The following SIM1 variants were observed in gnomAD, a reference collection of about 807,000 sequenced individuals.
The protein encoded by SIM1 is SIM bHLH transcription factor 1, also known as single-minded homolog 1.
SIM1 carries 18 observed loss-of-function variants against 78.2 expected under a neutral mutation model. That is an observed-to-expected ratio of 0.23 (90% CI 0.16 to 0.34). The LOEUF is 0.34. Ranked by LOEUF, SIM1 falls within the 10% of genes least tolerant of loss-of-function variation. The pLI is 1.00. For synonymous variants in SIM1, 417 were observed against 385.2 expected, an observed-to-expected ratio of 1.08 and a Z score of -0.97; for missense variants, 939 against 975.1, an observed-to-expected ratio of 0.96 and a Z score of 0.49.
intron 2 of SIM1, among the ~76,000 whole-genome samples, chr6:100,456,614 T>C (rs1005664808): frequency 2.0e-5 from 3 of 152,230 alleles, no homozygotes; most frequent in African/African-American, 7.2e-5. Context: ...AAACAGAATC[T>C]ATTTTGGAAG....
At chr6:100,464,571 C>A (rs1041265711) in intron 1 of SIM1, 43 bp downstream of exon 1, 1 of 152,260 alleles carries the variant, frequency 6.6e-6, no homozygotes, top group Admixed American at 6.5e-5. Flanking sequence ...CGCGGAGCTG[C>A]GGGGCTGCTG....
intron 9 of SIM1, among the ~76,000 whole-genome samples, chr6:100,427,977 G>C (rs1771779680): frequency 6.6e-6 from 1 of 152,048 alleles, no homozygotes; most frequent in Non-Finnish European, 1.5e-5. Context: ...AATAAATTTT[G>C]CTTATCTCAA....
At chr6:100,442,062 AT>A (rs1350294007) in intron 9 of SIM1, among the ~76,000 whole-genome samples, 11 of 152,324 alleles carry the variant, frequency 7.2e-5, no homozygotes, top group Non-Finnish European at 1.3e-4. Context: ...ACACCTAAAA[AT>A]ACAAAAAGCA....
At chr6:100,410,441 C>T (rs974264061) in intron 10 of SIM1, among the ~76,000 whole-genome samples, 5 of 152,174 alleles carry the variant, frequency 3.3e-5, no homozygotes, top group African/African-American at 1.2e-4. Context: ...TCCCCAGATC[C>T]AAACCACACT....
In SIM1 at chr6:100,463,313, C is replaced by G. The variant is rs761332774; in HGVS notation, c.156G>C (p.Met52Ile). 2.5e-6 allele frequency: 4 copies of G among 1,612,762 alleles called. No homozygotes were observed. The highest frequency in any genetic ancestry group is 3.3e-4 in the Middle Eastern group (2 of 6,056). ...IIRLTTSYLK[M>I]RVVFPEGLGE... ...ACTTACCTTCTGGGAACACCACTCT[C>G]ATTTTGAGATAGCTGGTCGTGAGTC... is the stretch of plus-strand genomic sequence containing the variant. The change falls in exon 2 of 12, where the codon ATG (methionine) becomes ATC (isoleucine). Residue 52 changes from methionine to isoleucine, a missense_variant. Around this residue, in one of 5 missense-constraint regions of SIM1, gnomAD observed 121 missense variants for 124.6 expected, o/e 0.97. Transcript: ENST00000369208.
chr6:100,438,655 T>A (rs1018154472), intron 9 of SIM1, among the ~76,000 whole-genome samples: 6 of 152,188 alleles, frequency 3.9e-5, no homozygotes, highest in African/African-American at 4.8e-5. Flanking sequence ...AAAAGACACA[T>A]GCACATGCAT....
rs1770962452 is a variant in SIM1 at position 100,402,913 on chromosome 6, T to G, written c.1168-9024A>C. ...TTTCAAGTAAAACAGTCATGCTTTATGAGCTAGAGAGTATTTGCTCTTCTT... is the reference window on the plus strand; with the variant it reads ...TTTCAAGTAAAACAGTCATGCTTTAGGAGCTAGAGAGTATTTGCTCTTCTT... On this transcript the variant is annotated intron_variant, in intron 10 of 11. Transcript: ENST00000369208. Among the ~76,000 whole-genome samples the G allele has an allele frequency of 3.3e-5, 5 of 152,302 alleles. No individual in the cohort carries two copies. The South Asian group carries it at 1.0e-3, about 32-fold the overall frequency.
At chr6:100,457,528 C>T (rs1582326577) in intron 2 of SIM1, among the ~76,000 whole-genome samples, 1 of 152,230 alleles carries the variant, frequency 6.6e-6, no homozygotes, top group East Asian at 1.9e-4. Flanking sequence ...TCCTGCCGGG[C>T]CTGCACATCC....
chr6:100,441,115 G>A (rs1772203432), intron 9 of SIM1, among the ~76,000 whole-genome samples: 1 of 152,106 alleles, frequency 6.6e-6, no homozygotes, highest in Admixed American at 6.5e-5. Flanking sequence ...TAGACAGGCT[G>A]GTCATTCAAT....
chr6:100,445,844 C>G (rs1772338406), intron 9 of SIM1, among the ~76,000 whole-genome samples: 1 of 152,094 alleles, frequency 6.6e-6, no homozygotes, highest in Non-Finnish European at 1.5e-5. Flanking sequence ...ACTACTGTTT[C>G]ACGGAGGGGG....
At chr6:100,403,517 T>C (rs1770980298) in intron 10 of SIM1, among the ~76,000 whole-genome samples, 2 of 152,184 alleles carry the variant, frequency 1.3e-5, no homozygotes, top group South Asian at 4.1e-4. Context: ...ATAGGAGAAA[T>C]ACAGCCCCAC....
At position 100,390,334 on chromosome 6, in the gene SIM1, T is replaced by C; in HGVS notation, c.*27A>G. ...ACTATAAATATGTTTCAGAGATCCT[T>C]AAAGAACAAAATATTTCAGCAAAAC... On this transcript the variant is annotated 3_prime_UTR_variant, in exon 12 of 12. Transcript: ENST00000369208. The C allele has an allele frequency of 6.3e-7, 1 of 1,595,728 alleles. No individual in the cohort carries two copies. The highest frequency in any genetic ancestry group is 8.5e-7 in the Non-Finnish European group (1 of 1,171,162).
chr6:100,448,463 G>T lies in SIM1; in HGVS notation c.743+16C>A. ...CCTCAGGCTAGGAGAGGCCCTTTCC[G>T]GCCCTGCCCACCCACCTGGAGTCCA... On this transcript the variant is annotated intron_variant, in intron 7 of 11. Transcript: ENST00000369208. 1 of 1,612,150 alleles carries T rather than the reference G, an allele frequency of 6.2e-7. No homozygotes were observed. The highest frequency in any genetic ancestry group is 1.1e-5 in the South Asian group (1 of 90,842).
chr6:100,461,939 C>T (rs972338588), intron 2 of SIM1, among the ~76,000 whole-genome samples: 1 of 145,806 alleles, frequency 6.9e-6, no homozygotes, highest in Non-Finnish European at 1.5e-5. Context: ...CAAGGAACTG[C>T]TTTAGGAGGG....
chr6:100,414,429 G>A (rs1007442162), intron 10 of SIM1, among the ~76,000 whole-genome samples: 4 of 152,140 alleles, frequency 2.6e-5, no homozygotes, highest in African/African-American at 9.7e-5. Context: ...ACCCCACTGA[G>A]TAAAATGTTT....
chr6:100,409,283 T>G (rs557506068), intron 10 of SIM1, among the ~76,000 whole-genome samples: 1 of 152,172 alleles, frequency 6.6e-6, no homozygotes, highest in South Asian at 2.1e-4. Context: ...GACTGTATGT[T>G]CTGGAAATTT....
chr6:100,406,756 G>A (rs1055919421), intron 10 of SIM1, among the ~76,000 whole-genome samples: 19 of 152,026 alleles, frequency 1.2e-4, no homozygotes, highest in African/African-American at 2.2e-4. Context: ...TTTAATGTAC[G>A]TATACATTGT....
intron 7 of SIM1, 51 bp from the exon 8 acceptor site, chr6:100,448,303 C>A (rs762303691): frequency 6.8e-7 from 1 of 1,473,356 alleles, no homozygotes; most frequent in East Asian, 2.4e-5. Context: ...TGCAGGGATG[C>A]CCTCCCCACA....
chr6:100,455,118 T>C (rs958546218), intron 2 of SIM1, among the ~76,000 whole-genome samples: 5 of 152,158 alleles, frequency 3.3e-5, no homozygotes, highest in African/African-American at 1.2e-4. Flanking sequence ...TTAAAAGGTG[T>C]TGGCTAGGAG....
Sources: allele counts gnomAD v4.1 joint callset (sites outside exome capture counted in the v4.1 genomes callset), GRCh38; gene constraint gnomAD v4.1.1; regional missense constraint gnomAD v4.1.1; transcripts MANE v1.5; gene names NCBI Gene and HGNC (gene_info 2026-07-23, HGNC 2026-07-21).